ROBO2: variants seen among roughly 807,000 people sequenced by gnomAD.
ROBO2 encodes the protein roundabout homolog 2.
A neutral mutation model predicts 160.8 loss-of-function variants in ROBO2; 53 were observed. The ratio of observed to expected loss-of-function variants is 0.33; its 90% confidence interval spans 0.26 to 0.41. ROBO2 has a LOEUF of 0.41. Ranked by LOEUF, ROBO2 falls within the 10% of genes least tolerant of loss-of-function variation. The pLI is 1.00. For missense variants in ROBO2, 1,577 were observed against 1,722.4 expected (o/e 0.92, Z 1.49); for synonymous variants, 664 against 611.7 (o/e 1.09, Z -1.26).
At chr3:77,456,952 T>C (rs571392419) in intron 2 of ROBO2, among the ~76,000 whole-genome samples, 3 of 152,166 alleles carry the variant, frequency 2.0e-5, no homozygotes, top group Non-Finnish European at 4.4e-5. Flanking sequence ...TTTACACATC[T>C]TCTTTCTGTC....
At chr3:76,605,811 A>T (rs752122633) in intron 2 of ROBO2, among the ~76,000 whole-genome samples, 2 of 152,180 alleles carry the variant, frequency 1.3e-5, no homozygotes, top group Non-Finnish European at 2.9e-5. Context: ...TCCCCCCCTT[A>T]TTTGATAGGT....
chr3:76,658,565 T>C (rs1575773028), intron 2 of ROBO2, among the ~76,000 whole-genome samples: 1 of 151,524 alleles, frequency 6.6e-6, no homozygotes, highest in South Asian at 2.1e-4. Context: ...CAAATCCCAC[T>C]TATCAGTGAG....
intron 2 of ROBO2, chr3:77,316,966 C>T: frequency 7.1e-7 from 1 of 1,414,514 alleles, no homozygotes; most frequent in Non-Finnish European, 1.0e-6. Flanking sequence ...GTTACTGTTT[C>T]CTGCTGTCCA....
chr3:76,759,507 G>T (rs926003248), intron 2 of ROBO2, among the ~76,000 whole-genome samples: 3 of 151,632 alleles, frequency 2.0e-5, no homozygotes, highest in South Asian at 2.1e-4. Context: ...TATATAGAAG[G>T]TTGGCGATAT....
At chr3:77,424,012 C>A (rs2077951888) in intron 2 of ROBO2, among the ~76,000 whole-genome samples, 1 of 151,962 alleles carries the variant, frequency 6.6e-6, no homozygotes, top group African/African-American at 2.4e-5. Flanking sequence ...CTACTTCTTT[C>A]CCCTTATTTT....
chr3:77,341,271 T>G (rs2067026315), intron 2 of ROBO2, among the ~76,000 whole-genome samples: 1 of 152,118 alleles, frequency 6.6e-6, no homozygotes, highest in African/African-American at 2.4e-5. Context: ...GGAGATTCTA[T>G]TAGAGCAGAG....
At chr3:76,083,980 T>C (rs1184991867) in intron 2 of ROBO2, among the ~76,000 whole-genome samples, 1 of 152,066 alleles carries the variant, frequency 6.6e-6, no homozygotes, top group African/African-American at 2.4e-5. Context: ...ACTTACCTGC[T>C]CTTAGTCTAT....
At chr3:76,633,249 A>G (rs1348758810) in intron 2 of ROBO2, among the ~76,000 whole-genome samples, 1 of 152,210 alleles carries the variant, frequency 6.6e-6, no homozygotes, top group Non-Finnish European at 1.5e-5. Context: ...AATCATAGCA[A>G]TAAAAACAAA....
chr3:77,177,782 C>T (rs1471447078), intron 2 of ROBO2, among the ~76,000 whole-genome samples: 1 of 151,950 alleles, frequency 6.6e-6, no homozygotes, highest in Non-Finnish European at 1.5e-5. Context: ...ATATACTTTA[C>T]AAAGACCATG....
chr3:76,889,972 A>G (rs370636998), intron 2 of ROBO2, among the ~76,000 whole-genome samples: 5 of 152,088 alleles, frequency 3.3e-5, no homozygotes, highest in African/African-American at 1.2e-4. Context: ...GAGAAGTGAG[A>G]GCGATGTAGG....
intron 2 of ROBO2, among the ~76,000 whole-genome samples, chr3:77,286,308 G>A (rs1253972070): frequency 6.8e-6 from 1 of 147,910 alleles, no homozygotes; most frequent in East Asian, 2.0e-4. Flanking sequence ...CCAGGCTGGA[G>A]TATATTGGCG....
At chr3:76,124,805 T>A (rs546347564) in intron 2 of ROBO2, among the ~76,000 whole-genome samples, 8 of 152,276 alleles carry the variant, frequency 5.3e-5, no homozygotes, top group African/African-American at 1.4e-4. Context: ...CTATTTGTAA[T>A]AAAATTTACC....
chr3:77,599,212 A>C lies in ROBO2; in HGVS notation c.2854+2462A>C, dbSNP rs967060697. ...CTGTTAAAATTTTTTGTATATTTTA[A>C]TTCATTTTGCTTGCATAGTAATATA... On this transcript the variant is annotated intron_variant, in intron 19 of 25. Transcript: ENST00000461745. 5.7e-5 allele frequency among the ~76,000 whole-genome samples: 8 copies of C among 141,376 alleles called. No homozygotes were observed. The Admixed American group carries it at 5.9e-4, about 11-fold the overall frequency. The allele number at this position is 141,376 out of a possible 152,430, so 92.7% of individuals were successfully genotyped here.
chr3:76,809,062 G>T (rs1267134393), intron 2 of ROBO2, among the ~76,000 whole-genome samples: 3 of 152,082 alleles, frequency 2.0e-5, no homozygotes, highest in Admixed American at 6.6e-5. Flanking sequence ...ACAAATAATA[G>T]AATATTTTAT....
intron 2 of ROBO2, among the ~76,000 whole-genome samples, chr3:76,581,698 T>C (rs1454851411): frequency 6.6e-6 from 1 of 152,136 alleles, no homozygotes; most frequent in Non-Finnish European, 1.5e-5. Flanking sequence ...TCAGGCAGGC[T>C]AAATACAACT....
intron 2 of ROBO2, among the ~76,000 whole-genome samples, chr3:76,214,163 A>G (rs1049920242): frequency 3.9e-5 from 6 of 152,176 alleles, no homozygotes; most frequent in Non-Finnish European, 7.3e-5. Context: ...CTTGCTCTTC[A>G]AATAAAGACA....
intron 2 of ROBO2, among the ~76,000 whole-genome samples, chr3:76,154,408 A>G (rs1434453206): frequency 6.6e-6 from 1 of 152,144 alleles, no homozygotes; most frequent in African/African-American, 2.4e-5. Context: ...CCTTGGAAAG[A>G]TTAGATAGAA....
intron 2 of ROBO2, among the ~76,000 whole-genome samples, chr3:76,086,209 T>C (rs1371762084): frequency 1.3e-5 from 2 of 152,086 alleles, no homozygotes; most frequent in Non-Finnish European, 2.9e-5. Context: ...CAAACACATC[T>C]TTCTTCATGT....
chr3:76,970,628 C>G (rs1482443352), intron 2 of ROBO2, among the ~76,000 whole-genome samples: 1 of 152,082 alleles, frequency 6.6e-6, no homozygotes, highest in East Asian at 1.9e-4. Context: ...GGTTAAGATA[C>G]ACGAGGACTG....
Sources: gnomAD v4.1 joint callset for allele counts (sites outside exome capture counted in the v4.1 genomes callset) on GRCh38, gnomAD v4.1.1 for gene constraint, MANE v1.5 for transcripts, NCBI Gene and HGNC (gene_info 2026-07-23, HGNC 2026-07-21) for gene names.